ARHGAP12: variants seen among roughly 807,000 people sequenced by gnomAD.
ARHGAP12 encodes the protein Rho GTPase activating protein 12, also known as rho GTPase-activating protein 12.
In ARHGAP12, 64 loss-of-function variants were observed where a neutral mutation model predicts 108.6. That is an observed-to-expected ratio of 0.59 (90% CI 0.48 to 0.73). The LOEUF (loss-of-function observed/expected upper bound fraction) is 0.73, where lower values mean the gene tolerates loss of function less well. Among genes scored for constraint, ARHGAP12 ranks in the 30% least tolerant of loss-of-function variants. The pLI is 0.00. For synonymous variants in ARHGAP12, 312 were observed against 337.2 expected (o/e 0.93, Z 0.82); for missense variants, 940 against 1,005.9 (o/e 0.93, Z 0.89).
chr10:31,858,096 TG>T (rs1350865746), intron 4 of ARHGAP12, among the ~76,000 whole-genome samples: 1 of 151,908 alleles, frequency 6.6e-6, no homozygotes, highest in African/African-American at 2.4e-5. Context: ...CCCAGCTACC[TG>T]GGAGTCTGAA....
chr10:31,808,814 C>G, intron 18 of ARHGAP12, 63 bp from the exon 19 acceptor site: 1 of 1,549,720 alleles, frequency 6.5e-7, no homozygotes, highest in Non-Finnish European at 8.9e-7. Context: ...AGCAATGTCA[C>G]AGTTTGGAAG....
chr10:31,914,796 T>C (rs1839488361), intron 1 of ARHGAP12, among the ~76,000 whole-genome samples: 1 of 152,210 alleles, frequency 6.6e-6, no homozygotes, highest in Non-Finnish European at 1.5e-5. Context: ...TGGGCATATA[T>C]TCTAAGGAAA....
chr10:31,925,509 A>G (rs1417005706), intron 1 of ARHGAP12, among the ~76,000 whole-genome samples: 19 of 152,116 alleles, frequency 1.2e-4, no homozygotes. Context: ...AACAATTTCC[A>G]CACTTCATTC....
chr10:31,907,788 C>T (rs904671902), intron 3 of ARHGAP12, among the ~76,000 whole-genome samples: 2 of 152,116 alleles, frequency 1.3e-5, no homozygotes, highest in Non-Finnish European at 2.9e-5. Context: ...TACCTGAAGA[C>T]TTCTTGGAAC....
chr10:31,892,023 C>T (rs969969863), intron 3 of ARHGAP12, among the ~76,000 whole-genome samples: 5 of 152,044 alleles, frequency 3.3e-5, no homozygotes, highest in Non-Finnish European at 7.4e-5. Context: ...GCAATGGGTT[C>T]GAACTTCTTC....
chr10:31,890,159 A>G (rs1838360883), intron 3 of ARHGAP12, among the ~76,000 whole-genome samples: 1 of 152,216 alleles, frequency 6.6e-6, no homozygotes, highest in African/African-American at 2.4e-5. Context: ...AGGCTCAGAG[A>G]TTAAATGGTT....
intron 15 of ARHGAP12, among the ~76,000 whole-genome samples, chr10:31,811,151 T>C (rs1306581905): frequency 6.6e-6 from 1 of 152,196 alleles, no homozygotes; most frequent in Non-Finnish European, 1.5e-5. Flanking sequence ...TTTGTTACTA[T>C]TTCACATTAT....
At chr10:31,910,848 T>G (rs1839312665) in intron 1 of ARHGAP12, among the ~76,000 whole-genome samples, 1 of 152,206 alleles carries the variant, frequency 6.6e-6, no homozygotes, top group Non-Finnish European at 1.5e-5. Flanking sequence ...AGCATCTTTC[T>G]AAACTTCTGA....
chr10:31,845,115 C>T (rs946410024), intron 6 of ARHGAP12, among the ~76,000 whole-genome samples: 2 of 152,090 alleles, frequency 1.3e-5, no homozygotes, highest in Admixed American at 1.3e-4. Context: ...TTAGTTACAA[C>T]TCTTGTTGCT....
Position 31,820,482 on chromosome 10 carries a change from T to C in ARHGAP12, c.1537A>G (p.Ser513Gly), listed in dbSNP as rs752983644. ...TQGSSTSWFG[S>G]NQSKPEFTVD... ...GTGAACTCTGGTTTGGACTGATTACTGCCAAACTTCATTTTTGAAAAAGAA... is the reference window on the plus strand; with the variant it reads ...GTGAACTCTGGTTTGGACTGATTACCGCCAAACTTCATTTTTGAAAAAGAA... The change falls in exon 12 of 20, where the codon AGT becomes GGT. Residue 513 changes from serine (S) to glycine (G), a missense_variant. Physicochemically the swap from Ser to Gly is moderately conservative, Grantham distance 56. Transcript: ENST00000344936. 1.5e-5 allele frequency: 24 copies of C among 1,580,466 alleles called. No homozygotes were observed. The highest frequency in any genetic ancestry group is 3.4e-4 in the Middle Eastern group (2 of 5,930).
At chr10:31,895,647 T>G (rs948539623) in intron 3 of ARHGAP12, among the ~76,000 whole-genome samples, 3 of 152,210 alleles carry the variant, frequency 2.0e-5, no homozygotes, top group African/African-American at 4.8e-5. Flanking sequence ...GGTGGGACTG[T>G]AAACTAGTTC....
chr10:31,890,843 A>G (rs1541262), intron 3 of ARHGAP12, among the ~76,000 whole-genome samples: 69,967 of 151,992 alleles, frequency 0.46, 16,390 homozygotes, highest in Middle Eastern at 0.51. Flanking sequence ...CCTAAAAAAA[A>G]GAAAATCCCA....
At chr10:31,820,322 T>C (rs1348932602) in intron 12 of ARHGAP12, 65 bp downstream of exon 12, 7 of 1,314,582 alleles carry the variant, frequency 5.3e-6, no homozygotes, top group Non-Finnish European at 7.3e-6. Flanking sequence ...CCAAAATAGC[T>C]CAAAAAACAG....
At chr10:31,818,536 A>G (rs12264346) in intron 12 of ARHGAP12, among the ~76,000 whole-genome samples, 7,682 of 152,228 alleles carry the variant, frequency 0.05, 649 homozygotes, top group African/African-American at 0.17. Flanking sequence ...TAAGTGAGGA[A>G]GAATTTTGAC....
intron 10 of ARHGAP12, among the ~76,000 whole-genome samples, chr10:31,830,069 GT>G (rs1835774016): frequency 6.6e-6 from 1 of 151,982 alleles, no homozygotes; most frequent in Non-Finnish European, 1.5e-5. Context: ...AGAAAACATA[GT>G]TTTTCTTCAA....
At chr10:31,911,595 C>T (rs961274813) in intron 1 of ARHGAP12, among the ~76,000 whole-genome samples, 3 of 152,060 alleles carry the variant, frequency 2.0e-5, no homozygotes, top group Admixed American at 6.6e-5. Flanking sequence ...GCTGCAGGCG[C>T]GACCACACCC....
At chr10:31,823,694 C>T (rs1205729877) in intron 11 of ARHGAP12, among the ~76,000 whole-genome samples, 2 of 152,116 alleles carry the variant, frequency 1.3e-5, no homozygotes, top group African/African-American at 4.8e-5. Flanking sequence ...AATGTGGCCC[C>T]TTAACATAAG....
intron 13 of ARHGAP12, among the ~76,000 whole-genome samples, chr10:31,815,594 G>A (rs1410764464): frequency 3.9e-5 from 6 of 152,180 alleles, no homozygotes; most frequent in Non-Finnish European, 8.8e-5. Flanking sequence ...AGCTTGTCAA[G>A]TTCTACCAGA....
chr10:31,881,390 A>G (rs115854794), intron 3 of ARHGAP12, among the ~76,000 whole-genome samples: 486 of 152,320 alleles, frequency 3.2e-3, no homozygotes, highest in African/African-American at 0.011. Context: ...AAAACATAAA[A>G]TATCAATTCT....
Sources: gnomAD v4.1 joint callset for allele counts (sites outside exome capture counted in the v4.1 genomes callset) on GRCh38, gnomAD v4.1.1 for gene constraint, MANE v1.5 for transcripts, NCBI Gene and HGNC (gene_info 2026-07-23, HGNC 2026-07-21) for gene names.